Variants in UVRAG observed in about 807,000 individuals in gnomAD.
UVRAG encodes UV radiation resistance associated.
UVRAG carries 19 observed loss-of-function variants against 78.0 expected under a neutral mutation model. That is an observed-to-expected ratio of 0.24 (90% confidence interval 0.17 to 0.36). The LOEUF is 0.36. Among genes scored for constraint, UVRAG ranks in the 10% least tolerant of loss-of-function variants. The pLI, the probability that UVRAG is intolerant of heterozygous loss-of-function variation, is 1.00. For missense variants in UVRAG, 740 were observed against 853.8 expected (o/e 0.87, Z 1.66); for synonymous variants, 323 against 324.6 (o/e 1.00, Z 0.05).
chr11:75,872,728 T>C (rs903285097), intron 3 of UVRAG, among the ~76,000 whole-genome samples: 1 of 152,190 alleles, frequency 6.6e-6, no homozygotes, highest in Middle Eastern at 3.2e-3. Context: ...ATTGACTTTG[T>C]CTTCCTGTTC....
chr11:76,106,217 A>G (rs565672926), intron 13 of UVRAG, among the ~76,000 whole-genome samples: 38 of 152,310 alleles, frequency 2.5e-4, no homozygotes, highest in African/African-American at 8.9e-4. Context: ...TCATGTGAAA[A>G]AAGGCAGACA....
chr11:75,966,975 C>T (rs1949035452), intron 7 of UVRAG, among the ~76,000 whole-genome samples: 1 of 152,164 alleles, frequency 6.6e-6, no homozygotes, highest in Admixed American at 6.5e-5. Context: ...GATTGCCTGA[C>T]CATTTTTCCC....
At chr11:76,002,707 TA>T (rs1591118505) in intron 8 of UVRAG, among the ~76,000 whole-genome samples, 1 of 152,178 alleles carries the variant, frequency 6.6e-6, no homozygotes, top group Non-Finnish European at 1.5e-5. Context: ...GTTCCTTGGT[TA>T]AATTCTGTTG....
In UVRAG at chr11:76,065,576, A is replaced by G. The variant is rs141234097; in HGVS notation, c.1227-134A>G. 1,266 of 656,094 alleles carry G rather than the reference A, an allele frequency of 1.9e-3. 10 individuals are homozygous for G. The African/African-American group carries it at 0.021, about 11-fold the overall frequency. 40.6% of individuals were successfully genotyped at this position (656,094 alleles called of 1,614,324 possible). The stretch of plus-strand genomic sequence containing the variant: ...ATTATGAAGATGTCAGTAGATTGCA[A>G]TGACTATAGCTAGGTGACTTAGTCC... On this transcript the variant is annotated intron_variant, in intron 12 of 14. Coordinates refer to ENST00000356136, the MANE Select transcript of UVRAG (RefSeq NM_003369.4).
chr11:75,910,945 A>G (rs907532402), intron 5 of UVRAG, among the ~76,000 whole-genome samples: 2 of 151,904 alleles, frequency 1.3e-5, no homozygotes, highest in Admixed American at 6.6e-5. Context: ...TATTGTTAAT[A>G]CTCTTTTTGA....
In UVRAG at chr11:76,006,685, A is replaced by G. The variant is rs543374316; in HGVS notation, c.912-849A>G. The stretch of plus-strand genomic sequence containing the variant: ...CAAAAAAAAAAAAAAAAAAAAAAAA[A>G]AGAGAGAGAGAAGGGTAATTTCATA... On this transcript the variant is annotated intron_variant, in intron 9 of 14. Transcript: ENST00000356136. 7.3e-3 allele frequency among the ~76,000 whole-genome samples: 1,089 copies of G among 149,328 alleles called. 15 individuals are homozygous for G. The highest frequency in any genetic ancestry group is 0.026 in the African/African-American group (1,047 of 40,148).
chr11:76,096,281 T>C (rs965504006), intron 13 of UVRAG, among the ~76,000 whole-genome samples: 1 of 152,118 alleles, frequency 6.6e-6, no homozygotes, highest in African/African-American at 2.4e-5. Flanking sequence ...GAGAATAAAA[T>C]TGTAACAGAA....
chr11:75,939,333 G>T (rs1270813981), intron 6 of UVRAG, among the ~76,000 whole-genome samples: 1 of 151,988 alleles, frequency 6.6e-6, no homozygotes, highest in Non-Finnish European at 1.5e-5. Context: ...CCAATCTTAT[G>T]GGAAGCTGAC....
intron 12 of UVRAG, among the ~76,000 whole-genome samples, chr11:76,062,658 G>T (rs1199721413): frequency 6.6e-6 from 1 of 152,140 alleles, no homozygotes; most frequent in African/African-American, 2.4e-5. Flanking sequence ...AGCATTCAGA[G>T]GCAGTAGAGA....
intron 12 of UVRAG, among the ~76,000 whole-genome samples, chr11:76,036,820 AAC>A (rs890286652): frequency 1.1e-4 from 17 of 152,160 alleles, no homozygotes; most frequent in Admixed American, 5.2e-4. Flanking sequence ...ACATACTGTG[AAC>A]AGTTTTTAAA....
intron 13 of UVRAG, among the ~76,000 whole-genome samples, chr11:76,078,221 T>G (rs1367187101): frequency 1.3e-5 from 2 of 152,146 alleles, no homozygotes; most frequent in African/African-American, 4.8e-5. Context: ...AAAAAATGGT[T>G]TATATTGCCT....
At chr11:75,862,642 G>T (rs1946447914) in intron 3 of UVRAG, among the ~76,000 whole-genome samples, 1 of 152,196 alleles carries the variant, frequency 6.6e-6, no homozygotes, top group Non-Finnish European at 1.5e-5. Context: ...AGGTCTTCAA[G>T]GTCTCAGCTA....
intron 14 of UVRAG, among the ~76,000 whole-genome samples, chr11:76,138,988 G>T (rs1480638862): frequency 2.0e-5 from 3 of 152,312 alleles, no homozygotes; most frequent in Non-Finnish European, 4.4e-5. Flanking sequence ...CTAGATCGAG[G>T]CCAGCAGATT....
intron 12 of UVRAG, among the ~76,000 whole-genome samples, chr11:76,055,653 C>T (rs978303162): frequency 6.6e-6 from 1 of 152,104 alleles, no homozygotes; most frequent in Non-Finnish European, 1.5e-5. Context: ...AACCAGAGCT[C>T]AGTATTTGTT....
At chr11:75,986,879 C>T (rs944674208) in intron 8 of UVRAG, among the ~76,000 whole-genome samples, 2 of 151,698 alleles carry the variant, frequency 1.3e-5, no homozygotes, top group Non-Finnish European at 1.5e-5. Context: ...TTATGACCAA[C>T]TTCATTTGTT....
intron 2 of UVRAG, among the ~76,000 whole-genome samples, chr11:75,860,747 A>T (rs959459128): frequency 6.6e-6 from 1 of 152,086 alleles, no homozygotes; most frequent in Admixed American, 6.6e-5. Context: ...AATATCTATC[A>T]AAGTCAAATT....
chr11:76,108,733 T>C (rs1178141954), intron 13 of UVRAG, among the ~76,000 whole-genome samples: 7 of 152,238 alleles, frequency 4.6e-5, no homozygotes, highest in Non-Finnish European at 8.8e-5. Flanking sequence ...TTTTCTTTCT[T>C]TTTGCTTGTT....
chr11:76,128,048 C>T (rs991023728), intron 14 of UVRAG, among the ~76,000 whole-genome samples: 1 of 152,102 alleles, frequency 6.6e-6, no homozygotes, highest in African/African-American at 2.4e-5. Flanking sequence ...CTGAGATAGG[C>T]ACACTAAAAA....
chr11:75,875,439 G>A (rs1222963667), intron 3 of UVRAG, among the ~76,000 whole-genome samples: 3 of 150,824 alleles, frequency 2.0e-5, no homozygotes, highest in Non-Finnish European at 3.0e-5. Context: ...ATCTTGCTTA[G>A]GACCTGTTAC....
Sources: gnomAD v4.1 joint callset for allele counts (sites outside exome capture counted in the v4.1 genomes callset) on GRCh38, gnomAD v4.1.1 for gene constraint, MANE v1.5 for transcripts, NCBI Gene and HGNC (gene_info 2026-07-23, HGNC 2026-07-21) for gene names.